NOVA1: variants seen among roughly 807,000 people sequenced by gnomAD.
NOVA1 encodes NOVA alternative splicing regulator 1.
NOVA1 carries 7 observed loss-of-function variants against 38.0 expected under a neutral mutation model. The ratio of observed to expected loss-of-function variants is 0.18; its 90% CI spans 0.10 to 0.35. The LOEUF (loss-of-function observed/expected upper bound fraction) is 0.35. Among genes scored for constraint, NOVA1 ranks in the 10% least tolerant of loss-of-function variants. The probability of loss-of-function intolerance (pLI) is 1.00; values close to 1 mark genes in which losing one functional copy is unlikely to be tolerated. For synonymous variants in NOVA1, 270 were observed against 232.5 expected (o/e 1.16, Z -1.47); for missense variants, 460 against 616.0 (o/e 0.75, Z 2.68).
At chr14:26,471,723 G>A (rs10151006) in intron 4 of NOVA1, among the ~76,000 whole-genome samples, 3,240 of 152,010 alleles carry the variant, frequency 0.021, 108 homozygotes, top group African/African-American at 0.074. Flanking sequence ...AAGTTTGTCA[G>A]CAGAGCAATG....
chr14:26,562,553 A>G (rs1159990226), intron 2 of NOVA1, among the ~76,000 whole-genome samples: 1 of 152,164 alleles, frequency 6.6e-6, no homozygotes, highest in Non-Finnish European at 1.5e-5. Flanking sequence ...GGGAAACAAC[A>G]GCAAACAAGA....
At position 26,597,500 on chromosome 14, in the gene NOVA1, CTTTTTTCT is replaced by C. The variant is rs1313242670; in HGVS notation, c.-72_-65del. 4 of 852,524 alleles carry C rather than the reference CTTTTTTCT, an allele frequency of 4.7e-6. No individual in the cohort carries two copies. The African/African-American group carries it at 9.9e-5, about 21-fold the overall frequency. The allele number at this position is 852,524 out of a possible 1,614,324, so 52.8% of individuals were successfully genotyped here. The stretch of plus-strand genomic sequence containing the variant: ...CCCTTTTGTTTTGGCTTTTTCTTTT[CTTTTTTCT>C]TTTTTTTTTTTTTTTTTTTTTGCGT... On this transcript the variant is annotated 5_prime_UTR_variant, in exon 1 of 5. Transcript: ENST00000539517.
At chr14:26,561,990 GA>G (rs1448429773) in intron 2 of NOVA1, among the ~76,000 whole-genome samples, 2 of 152,216 alleles carry the variant, frequency 1.3e-5, no homozygotes, top group East Asian at 3.9e-4. Flanking sequence ...TCTGTTACCA[GA>G]AAAATTACTC....
chr14:26,518,732 C>T (rs916516518), intron 2 of NOVA1, among the ~76,000 whole-genome samples: 1 of 152,020 alleles, frequency 6.6e-6, no homozygotes. Flanking sequence ...TGCAATAGAA[C>T]ACCAGAACTT....
At chr14:26,541,445 A>G (rs1212868105) in intron 2 of NOVA1, among the ~76,000 whole-genome samples, 1 of 151,466 alleles carries the variant, frequency 6.6e-6, no homozygotes, top group Non-Finnish European at 1.5e-5. Flanking sequence ...AAACAGAATG[A>G]GCCATTTATA....
At chr14:26,487,444 A>G (rs1012562496) in intron 2 of NOVA1, among the ~76,000 whole-genome samples, 4 of 152,042 alleles carry the variant, frequency 2.6e-5, no homozygotes, top group Non-Finnish European at 5.9e-5. Flanking sequence ...TATAATACAT[A>G]TATTTATATA....
At chr14:26,585,790 T>G (rs751364210) in intron 2 of NOVA1, among the ~76,000 whole-genome samples, 1 of 75,924 alleles carries the variant, frequency 1.3e-5, no homozygotes, top group Non-Finnish European at 2.7e-5. Flanking sequence ...GATAGCATGC[T>G]AAACAGAACG....
chr14:26,461,311 A>T (rs545788365), intron 4 of NOVA1, among the ~76,000 whole-genome samples: 1 of 152,322 alleles, frequency 6.6e-6, no homozygotes, highest in African/African-American at 2.4e-5. Flanking sequence ...CATAAACTTA[A>T]AAACGTCTTC....
At chr14:26,477,243 A>G (rs1407732592) in intron 3 of NOVA1, among the ~76,000 whole-genome samples, 1 of 152,196 alleles carries the variant, frequency 6.6e-6, no homozygotes, top group African/African-American at 2.4e-5. Flanking sequence ...TCAATTTATC[A>G]TGACGACAGT....
intron 2 of NOVA1, among the ~76,000 whole-genome samples, chr14:26,494,888 T>C (rs532753024): frequency 1.3e-5 from 2 of 152,300 alleles, no homozygotes; most frequent in African/African-American, 2.4e-5. Context: ...CCTGTAAATA[T>C]TATGTAATTT....
At chr14:26,456,291 C>G (rs963500208) in intron 4 of NOVA1, among the ~76,000 whole-genome samples, 6 of 151,970 alleles carry the variant, frequency 3.9e-5, no homozygotes, top group African/African-American at 1.4e-4. Flanking sequence ...GGAAGAATTT[C>G]TATTTTATCC....
chr14:26,475,468 C>G (rs1040295990), intron 3 of NOVA1, among the ~76,000 whole-genome samples: 1 of 152,176 alleles, frequency 6.6e-6, no homozygotes, highest in Non-Finnish European at 1.5e-5. Context: ...TGAATATCCA[C>G]ATAACATTAT....
intron 2 of NOVA1, among the ~76,000 whole-genome samples, chr14:26,519,851 T>C (rs968045458): frequency 5.3e-5 from 8 of 152,136 alleles, no homozygotes; most frequent in Non-Finnish European, 1.2e-4. Context: ...TCTTAATTTA[T>C]ATTCCTATCA....
At chr14:26,512,340 G>A (rs1337229156) in intron 2 of NOVA1, among the ~76,000 whole-genome samples, 2 of 152,210 alleles carry the variant, frequency 1.3e-5, no homozygotes, top group African/African-American at 4.8e-5. Flanking sequence ...AAAGGAGTAA[G>A]TAAAACTTGG....
At chr14:26,468,613 A>G (rs1395217690) in intron 4 of NOVA1, among the ~76,000 whole-genome samples, 1 of 152,248 alleles carries the variant, frequency 6.6e-6, no homozygotes, top group African/African-American at 2.4e-5. Context: ...ATAGTCATCT[A>G]GAGAATAAGA....
intron 3 of NOVA1, among the ~76,000 whole-genome samples, chr14:26,478,550 TTAAC>T (rs1885177484): frequency 1.3e-5 from 2 of 151,978 alleles, no homozygotes; most frequent in African/African-American, 2.4e-5. Flanking sequence ...ACCTAAGTCT[TTAAC>T]TACACTTCTA....
intron 4 of NOVA1, among the ~76,000 whole-genome samples, chr14:26,456,964 TACAC>T (rs558411232): frequency 4.9e-5 from 7 of 143,442 alleles, no homozygotes; most frequent in African/African-American, 1.8e-4. Flanking sequence ...CACAAATATA[TACAC>T]ACACACACAC....
intron 2 of NOVA1, among the ~76,000 whole-genome samples, chr14:26,499,663 GAC>G (rs1213866877): frequency 6.6e-6 from 1 of 152,076 alleles, no homozygotes; most frequent in Non-Finnish European, 1.5e-5. Flanking sequence ...GGAAGAGAGG[GAC>G]ACAACTAATC....
intron 2 of NOVA1, among the ~76,000 whole-genome samples, chr14:26,538,786 A>G (rs1480369552): frequency 2.0e-5 from 3 of 152,132 alleles, no homozygotes; most frequent in Non-Finnish European, 4.4e-5. Flanking sequence ...AATTGTAATT[A>G]TGGTAAAATT....
Sources: allele counts gnomAD v4.1 joint callset (sites outside exome capture counted in the v4.1 genomes callset), GRCh38; gene constraint gnomAD v4.1.1; transcripts MANE v1.5; gene names NCBI Gene and HGNC (gene_info 2026-07-23, HGNC 2026-07-21).